Variants in HBS1L observed in about 807,000 individuals in gnomAD.
HBS1L encodes HBS1-like protein.
Under a neutral mutation model 88.9 loss-of-function variants are expected in HBS1L, and 55 were observed. The observed-to-expected ratio is 0.62, with a 90% CI of 0.50 to 0.77. The LOEUF (loss-of-function observed/expected upper bound fraction) is 0.77, where lower values mean the gene tolerates loss of function less well. Ranked by LOEUF, HBS1L falls within the 30% of genes least tolerant of loss-of-function variation. HBS1L has a pLI of 0.00. For synonymous variants in HBS1L, 267 were observed against 288.5 expected (o/e 0.93, Z 0.76); for missense variants, 741 against 829.3 (o/e 0.89, Z 1.31).
At chr6:134,988,558 T>A (rs955470238) in intron 8 of HBS1L, among the ~76,000 whole-genome samples, 1 of 151,830 alleles carries the variant, frequency 6.6e-6, no homozygotes, top group Non-Finnish European at 1.5e-5. Flanking sequence ...AAAATTCAAA[T>A]TCAGTAGAAA....
chr6:135,050,737 A>ATAG (rs1415936429), intron 1 of HBS1L, 90 bp from the exon 2 acceptor site: 6 of 780,728 alleles, frequency 7.7e-6, no homozygotes, highest in Non-Finnish European at 1.2e-5. Flanking sequence ...CCTCTCCAAA[A>ATAG]TAAACTGTTT....
intron 4 of HBS1L, among the ~76,000 whole-genome samples, chr6:135,016,425 T>C (rs1775923796): frequency 6.6e-6 from 1 of 152,204 alleles, no homozygotes; most frequent in African/African-American, 2.4e-5. Flanking sequence ...TTACTTCCAA[T>C]GGGGAACCTG....
At chr6:135,005,048 C>G (rs977130348) in intron 4 of HBS1L, among the ~76,000 whole-genome samples, 2 of 152,178 alleles carry the variant, frequency 1.3e-5, no homozygotes, top group African/African-American at 4.8e-5. Flanking sequence ...GTTGGCATTA[C>G]CAGGATCTGG....
At chr6:135,038,112 T>C (rs1776617172) in intron 4 of HBS1L, 3 of 1,059,980 alleles carry the variant, frequency 2.8e-6, no homozygotes, top group Non-Finnish European at 3.9e-6. Flanking sequence ...AAACATGAAA[T>C]GAGGCATTTA....
At chr6:135,021,310 TAA>T (rs1776064421) in intron 4 of HBS1L, among the ~76,000 whole-genome samples, 1 of 152,094 alleles carries the variant, frequency 6.6e-6, no homozygotes, top group African/African-American at 2.4e-5. Context: ...TACTTTCTCT[TAA>T]ATTGGTTCTC....
chr6:135,048,526 G>A lies in HBS1L; in HGVS notation c.109+2056C>T, dbSNP rs535725426. ...TGAACTTCAGAGGCAAAGCAGCAAA[G>A]AACCCTCTCCTCAAGGTCTAAGTCA... On this transcript the variant is annotated intron_variant, in intron 2 of 17. Coordinates refer to ENST00000367837, the MANE Select transcript of HBS1L (RefSeq NM_006620.4). 2.6e-5 allele frequency among the ~76,000 whole-genome samples: 4 copies of A among 152,186 alleles called. No homozygotes were observed. The East Asian group carries it at 7.7e-4, about 29-fold the overall frequency.
chr6:135,044,255 T>C (rs528866908), intron 2 of HBS1L, among the ~76,000 whole-genome samples: 238 of 152,348 alleles, frequency 1.6e-3, no homozygotes, highest in Non-Finnish European at 2.9e-3. Flanking sequence ...TTTATTAAGA[T>C]AATTATTTCT....
chr6:135,026,287 G>T (rs1776224872), intron 4 of HBS1L, among the ~76,000 whole-genome samples: 1 of 151,954 alleles, frequency 6.6e-6, no homozygotes, highest in South Asian at 2.1e-4. Context: ...AATAGAAAAG[G>T]GGTAAATTGT....
intron 4 of HBS1L, among the ~76,000 whole-genome samples, chr6:135,025,319 A>G (rs1776196975): frequency 1.3e-5 from 2 of 152,232 alleles, no homozygotes; most frequent in South Asian, 4.1e-4. Flanking sequence ...GATTCTGTCC[A>G]GAAGCCAGAG....
In HBS1L at chr6:134,960,911, G is replaced by A. The variant is rs189581322; in HGVS notation, c.*4368C>T. 2 of 152,064 alleles carry A rather than the reference G, an allele frequency of 1.3e-5. No homozygotes were observed. Among genetic ancestry groups the A allele is most frequent in the East Asian group, 1.9e-4 (1 of 5,186 alleles). 9.4% of individuals were successfully genotyped at this position (152,064 alleles called of 1,614,324 possible). ...GTGCCCTTTCTTCTTTAAATCTATG[G>A]TTTTATTTATTTACAAAATAGGAAT... On this transcript the variant is annotated 3_prime_UTR_variant, in exon 18 of 18. Transcript: ENST00000367837.
chr6:135,051,578 C>T (rs960250696), intron 1 of HBS1L, among the ~76,000 whole-genome samples: 1 of 152,154 alleles, frequency 6.6e-6, no homozygotes, highest in Admixed American at 6.5e-5. Flanking sequence ...CTTCCCTGAC[C>T]ACTCTGGGTA....
chr6:135,043,658 G>A (rs978836037), intron 2 of HBS1L, among the ~76,000 whole-genome samples: 8 of 152,150 alleles, frequency 5.3e-5, no homozygotes, highest in African/African-American at 1.9e-4. Context: ...CACTGCGGAA[G>A]CACAGAAGTA....
At position 134,983,915 on chromosome 6, in the gene HBS1L, G is replaced by A. The variant is rs183678380; in HGVS notation, c.1493-1353C>T. Among the ~76,000 whole-genome samples the A allele has an allele frequency of 3.3e-4, 50 of 152,248 alleles. 1 individual carries two copies. In the East Asian group the frequency reaches 8.7e-3, roughly 27 times the overall value. ...GGTTAACAGGAGAAAGCAGGTCACAGAAACCAAGGGAGGAGTTTCAAGGTG... is the reference window on the plus strand; with the variant it reads ...GGTTAACAGGAGAAAGCAGGTCACAAAAACCAAGGGAGGAGTTTCAAGGTG... On this transcript the variant is annotated intron_variant, in intron 12 of 17. Transcript: ENST00000367837.
intron 15 of HBS1L, among the ~76,000 whole-genome samples, chr6:134,974,037 G>C (rs1774572209): frequency 6.6e-6 from 1 of 151,880 alleles, no homozygotes; most frequent in African/African-American, 2.4e-5. Context: ...TAAGAGAGAA[G>C]ATTCAAATAA....
intron 5 of HBS1L, among the ~76,000 whole-genome samples, chr6:134,999,787 C>T (rs985336344): frequency 6.6e-6 from 1 of 151,970 alleles, no homozygotes; most frequent in African/African-American, 2.4e-5. Flanking sequence ...AATTAATTCA[C>T]TAAAATTCTA....
intron 10 of HBS1L, 51 bp downstream of exon 10, chr6:134,986,685 A>G (rs1774987619): frequency 3.3e-6 from 3 of 908,720 alleles, no homozygotes; most frequent in Non-Finnish European, 3.3e-6. Flanking sequence ...CTCTCATACC[A>G]GTAAGATGAC....
At chr6:134,997,015 G>A (rs1408182926) in intron 6 of HBS1L, 73 bp from the exon 7 acceptor site, 3 of 1,085,236 alleles carry the variant, frequency 2.8e-6, no homozygotes, top group East Asian at 4.8e-5. Flanking sequence ...GCATAAATGT[G>A]TAATTCAATA....
intron 13 of HBS1L, 29 bp downstream of exon 13, chr6:134,982,429 T>TTTAG: frequency 7.1e-7 from 1 of 1,407,998 alleles, no homozygotes; most frequent in Non-Finnish European, 1.0e-6. Flanking sequence ...TTAAGGCTTG[T>TTTAG]TTAGCAAAAG....
intron 15 of HBS1L, among the ~76,000 whole-genome samples, chr6:134,972,408 A>G (rs1774516918): frequency 6.6e-6 from 1 of 152,218 alleles, no homozygotes; most frequent in South Asian, 2.1e-4. Context: ...TATGCAAAAC[A>G]ATGAAGCTCT....
Sources: allele counts gnomAD v4.1 joint callset (sites outside exome capture counted in the v4.1 genomes callset), GRCh38; gene constraint gnomAD v4.1.1; transcripts MANE v1.5; gene names NCBI Gene and HGNC (gene_info 2026-07-23, HGNC 2026-07-21).